The following PLA2G4A variants were observed in gnomAD, a reference collection of about 807,000 sequenced individuals.
The protein encoded by PLA2G4A is phospholipase A2 group IVA, also known as cytosolic phospholipase A2.
Under a neutral mutation model 81.9 loss-of-function variants are expected in PLA2G4A, and 40 were observed. That is an observed-to-expected ratio of 0.49 (90% CI 0.38 to 0.64). The LOEUF is 0.64. Among genes scored for constraint, PLA2G4A ranks in the 30% least tolerant of loss-of-function variants. The pLI, the probability that PLA2G4A is intolerant of heterozygous loss-of-function variation, is 0.00. For synonymous variants in PLA2G4A, 302 were observed against 296.9 expected, an observed-to-expected ratio of 1.02 and a Z score of -0.18; for missense variants, 715 against 905.1, an observed-to-expected ratio of 0.79 and a Z score of 2.69.
chr1:186,836,009 A>T (rs943069292), intron 1 of PLA2G4A, among the ~76,000 whole-genome samples: 1 of 152,104 alleles, frequency 6.6e-6, no homozygotes, highest in African/African-American at 2.4e-5. Flanking sequence ...TTCTGTAATG[A>T]TGCCTTTGTT....
chr1:186,861,634 AG>A (rs1162965577), intron 2 of PLA2G4A, among the ~76,000 whole-genome samples: 1 of 152,110 alleles, frequency 6.6e-6, no homozygotes, highest in African/African-American at 2.4e-5. Context: ...AATCCCAAAA[AG>A]TTGGATAATC....
intron 3 of PLA2G4A, among the ~76,000 whole-genome samples, chr1:186,876,418 A>G (rs1263292688): frequency 6.6e-6 from 1 of 151,904 alleles, no homozygotes; most frequent in Non-Finnish European, 1.5e-5. Flanking sequence ...CCCTTATATG[A>G]TTTTTCCAAA....
At chr1:186,960,850 T>C (rs1656917563) in intron 14 of PLA2G4A, among the ~76,000 whole-genome samples, 1 of 152,188 alleles carries the variant, frequency 6.6e-6, no homozygotes, top group Admixed American at 6.5e-5. Context: ...GGAAGGAGAA[T>C]AGGGAATGCG....
Position 186,979,318 on chromosome 1 carries a change from T to C in PLA2G4A, c.1964T>C (p.Val655Ala). Residue 655 changes from valine to alanine, a missense_variant, in exon 17 of 18, where the codon GTT becomes GCT. Physicochemically the swap from Val to Ala is moderately conservative, Grantham distance 64. Coordinates refer to ENST00000367466, the MANE Select transcript of PLA2G4A (RefSeq NM_024420.3). ...TTGTGACTCTTCTGGTATTTAGGTG[T>C]TCCAAGGGAAACTGAGGAAGAGAAA... Reference protein sequence around the residue: ...INFRKYRAPGVPRETEEEKEI... With the variant: ...INFRKYRAPGAPRETEEEKEI... 1 of 1,610,284 alleles carries C rather than the reference T, an allele frequency of 6.2e-7. No homozygotes were observed. The highest frequency in any genetic ancestry group is 8.5e-7 in the Non-Finnish European group (1 of 1,176,494).
intron 3 of PLA2G4A, among the ~76,000 whole-genome samples, chr1:186,871,932 G>A (rs534370761): frequency 2.1e-4 from 32 of 152,190 alleles, no homozygotes; most frequent in African/African-American, 7.2e-4. Flanking sequence ...TAAAGAGGGA[G>A]GAGTTAGATA....
chr1:186,897,952 T>C (rs1009186108), intron 5 of PLA2G4A, among the ~76,000 whole-genome samples: 2 of 152,170 alleles, frequency 1.3e-5, no homozygotes, highest in Non-Finnish European at 2.9e-5. Context: ...TTTCAACTCT[T>C]GCTCCTCTCC....
At chr1:186,920,675 G>A (rs1030594015) in intron 7 of PLA2G4A, among the ~76,000 whole-genome samples, 4 of 152,162 alleles carry the variant, frequency 2.6e-5, no homozygotes, top group Non-Finnish European at 5.9e-5. Context: ...CATTGGTTAG[G>A]TTGCAAGCGT....
At chr1:186,845,978 T>C (rs895581217) in intron 1 of PLA2G4A, among the ~76,000 whole-genome samples, 6 of 152,206 alleles carry the variant, frequency 3.9e-5, no homozygotes, top group African/African-American at 1.4e-4. Context: ...ACTTCAGACT[T>C]AAGAGACTTT....
chr1:186,874,378 A>AG (rs368547978), intron 3 of PLA2G4A, among the ~76,000 whole-genome samples: 14 of 16,924 alleles, frequency 8.3e-4, no homozygotes, highest in Non-Finnish European at 1.2e-3. Context: ...TGCTTCTTTT[A>AG]GAAGTGTTGG....
intron 10 of PLA2G4A, among the ~76,000 whole-genome samples, chr1:186,944,233 C>T (rs543300057): frequency 5.3e-5 from 8 of 151,894 alleles, no homozygotes; most frequent in South Asian, 2.1e-4. Flanking sequence ...TACATGGAAG[C>T]GCAGGAGAGA....
At chr1:186,930,738 A>C in intron 7 of PLA2G4A, among the ~76,000 whole-genome samples, 1 of 152,170 alleles carries the variant, frequency 6.6e-6, no homozygotes, top group Non-Finnish European at 1.5e-5. Flanking sequence ...CTTTTACAGT[A>C]TTAATCTTGA....
chr1:186,980,620 G>C (rs1027868843), intron 17 of PLA2G4A, among the ~76,000 whole-genome samples: 1 of 152,112 alleles, frequency 6.6e-6, no homozygotes, highest in Non-Finnish European at 1.5e-5. Context: ...GTGAATGAGT[G>C]TTCTGTTTAT....
At chr1:186,871,916 T>C (rs998539402) in intron 3 of PLA2G4A, among the ~76,000 whole-genome samples, 4 of 151,958 alleles carry the variant, frequency 2.6e-5, no homozygotes, top group African/African-American at 9.7e-5. Flanking sequence ...GCAATGAAAA[T>C]GCCAGTAAAG....
intron 7 of PLA2G4A, among the ~76,000 whole-genome samples, chr1:186,926,542 A>G (rs908827420): frequency 3.3e-5 from 5 of 152,118 alleles, no homozygotes; most frequent in African/African-American, 9.7e-5. Flanking sequence ...TTTGTCCCCT[A>G]TCAAAGTCTT....
chr1:186,908,032 T>C (rs1217654729), intron 6 of PLA2G4A, among the ~76,000 whole-genome samples: 1 of 152,144 alleles, frequency 6.6e-6, no homozygotes, highest in African/African-American at 2.4e-5. Context: ...ATTTTTATAA[T>C]ATTAAAAATT....
chr1:186,874,500 T>A (rs961320618), intron 3 of PLA2G4A, among the ~76,000 whole-genome samples: 1 of 152,104 alleles, frequency 6.6e-6, no homozygotes, highest in Non-Finnish European at 1.5e-5. Context: ...TAGTGTTTTT[T>A]AAGTGATTAA....
At chr1:186,835,040 G>GT (rs1447464229) in intron 1 of PLA2G4A, among the ~76,000 whole-genome samples, 1 of 152,132 alleles carries the variant, frequency 6.6e-6, no homozygotes, top group Non-Finnish European at 1.5e-5. Flanking sequence ...TACATACTAT[G>GT]ATGTGGTAAT....
intron 1 of PLA2G4A, among the ~76,000 whole-genome samples, chr1:186,847,142 GACTAT>G (rs1652205228): frequency 1.6e-5 from 1 of 61,314 alleles, no homozygotes; most frequent in South Asian, 6.9e-4. Context: ...AATATTTATA[GACTAT>G]TTTATATTAA....
chr1:186,872,766 A>G (rs768826749), intron 3 of PLA2G4A, among the ~76,000 whole-genome samples: 19 of 152,142 alleles, frequency 1.2e-4, no homozygotes, highest in Non-Finnish European at 1.6e-4. Flanking sequence ...TATTGATAAT[A>G]TTACTAGAAG....
Sources: allele counts gnomAD v4.1 joint callset (sites outside exome capture counted in the v4.1 genomes callset), GRCh38; gene constraint gnomAD v4.1.1; transcripts MANE v1.5; gene names NCBI Gene and HGNC (gene_info 2026-07-23, HGNC 2026-07-21).